Variants in KIF13A observed in about 807,000 individuals in gnomAD.
The protein encoded by KIF13A is kinesin-like protein KIF13A.
A neutral mutation model predicts 212.2 loss-of-function variants in KIF13A; 79 were observed. The observed-to-expected ratio is 0.37, with a 90% CI of 0.31 to 0.45. The LOEUF (loss-of-function observed/expected upper bound fraction) is 0.45. KIF13A is among the 20% of genes least tolerant of loss of function. The pLI, the probability that KIF13A is intolerant of heterozygous loss-of-function variation, is 1.00. For synonymous variants in KIF13A, 789 were observed against 808.6 expected (o/e 0.98, Z 0.41); for missense variants, 1,901 against 2,209.0 (o/e 0.86, Z 2.79).
intron 2 of KIF13A, among the ~76,000 whole-genome samples, chr6:17,955,962 G>T (rs1259931020): frequency 6.6e-6 from 1 of 152,130 alleles, no homozygotes; most frequent in Non-Finnish European, 1.5e-5. Flanking sequence ...AGGTTTTCCT[G>T]AAAAGACTGC....
In KIF13A at chr6:17,817,116, A is replaced by G. The variant is rs1581403413; in HGVS notation, c.1904T>C (p.Leu635Pro). 1 of 1,613,876 alleles carries G rather than the reference A, an allele frequency of 6.2e-7. No individual in the cohort carries two copies. The highest frequency in any genetic ancestry group is 8.5e-7 in the Non-Finnish European group (1 of 1,179,892). ...ERELEQLRQQ[L>P]SPDRQPQSSG... ...ACTCTGTGGCTGCCTGTCGGGGGAG[A>G]GCTGCTGGCGGAGTTGCTCCAGTTC... The change falls in exon 17 of 39, where the codon CTC (leucine) becomes CCC (proline). Residue 635 changes from leucine (L) to proline (P), a missense_variant. By Grantham distance (98) the Leu-to-Pro change is moderately conservative. Transcript: ENST00000259711.
chr6:17,959,849 C>A (rs150815423), intron 2 of KIF13A, among the ~76,000 whole-genome samples: 1 of 152,166 alleles, frequency 6.6e-6, no homozygotes, highest in Non-Finnish European at 1.5e-5. Flanking sequence ...CATGGAGAAA[C>A]CTCGTCTTTC....
In KIF13A at chr6:17,834,128, A is replaced by C. The variant is rs1765714802; in HGVS notation, c.1156-57T>G. Reference sequence around the variant, plus strand: ...CAAAATTTTTCCACCATCATATACAAGACAATCAGTTACTGTCCCTCTTAA... The same window carrying C: ...CAAAATTTTTCCACCATCATATACACGACAATCAGTTACTGTCCCTCTTAA... On this transcript the variant is annotated intron_variant, in intron 11 of 38. Transcript: ENST00000259711. This position sits in a 1 kb window ranked among gnomAD's most constrained non-coding sequence, Gnocchi z 4.0. The C allele has an allele frequency of 9.6e-7, 1 of 1,037,166 alleles. No homozygotes were observed. Among genetic ancestry groups the C allele is most frequent in the African/African-American group, 1.6e-5 (1 of 61,788 alleles). 64.2% of individuals were successfully genotyped at this position (1,037,166 alleles called of 1,614,324 possible). A position where few individuals can be genotyped will look rare whatever the true frequency, so the allele number is the denominator to read the frequency against.
At chr6:17,940,838 T>A (rs1483979682) in intron 2 of KIF13A, among the ~76,000 whole-genome samples, 3 of 151,492 alleles carry the variant, frequency 2.0e-5, no homozygotes, top group Non-Finnish European at 2.9e-5. Context: ...TTTTTTTTTT[T>A]TTTTTGAGAC....
chr6:17,802,769 G>T (rs1038690497), intron 20 of KIF13A, among the ~76,000 whole-genome samples: 9 of 151,860 alleles, frequency 5.9e-5, no homozygotes, highest in Non-Finnish European at 8.8e-5. Flanking sequence ...TTGAGACAGG[G>T]TCTTGCTCTG....
At chr6:17,884,625 C>T (rs771100931) in intron 3 of KIF13A, among the ~76,000 whole-genome samples, 2 of 152,232 alleles carry the variant, frequency 1.3e-5, no homozygotes, top group Non-Finnish European at 2.9e-5. Context: ...AAACACACTA[C>T]TTCCTAGCGC....
chr6:17,909,577 T>C (rs1007837407), intron 2 of KIF13A, among the ~76,000 whole-genome samples: 4 of 145,114 alleles, frequency 2.8e-5, no homozygotes, highest in Non-Finnish European at 6.0e-5. Context: ...AAAGAAAATA[T>C]GTATGATAGA....
chr6:17,924,537 A>G (rs1355553278), intron 2 of KIF13A, among the ~76,000 whole-genome samples: 1 of 152,226 alleles, frequency 6.6e-6, no homozygotes, highest in African/African-American at 2.4e-5. Flanking sequence ...TAGGACTCGC[A>G]GGAAAAATGA....
chr6:17,842,972 A>G (rs1433913065), intron 9 of KIF13A, among the ~76,000 whole-genome samples: 1 of 151,942 alleles, frequency 6.6e-6, no homozygotes, highest in Admixed American at 6.6e-5. Flanking sequence ...TCTGTATTGC[A>G]TAGGATGGAT....
intron 3 of KIF13A, among the ~76,000 whole-genome samples, chr6:17,874,473 T>C (rs866145125): frequency 6.6e-6 from 1 of 152,148 alleles, no homozygotes; most frequent in Non-Finnish European, 1.5e-5. Context: ...TCTCGCTTTG[T>C]TGCCCAGGCT....
At chr6:17,846,598 T>G (rs1421633664) in intron 9 of KIF13A, among the ~76,000 whole-genome samples, 1 of 67,154 alleles carries the variant, frequency 1.5e-5, no homozygotes, top group Non-Finnish European at 2.8e-5. Context: ...CGAGACCCCA[T>G]TTCTTTAAAA....
intron 13 of KIF13A, 143 bp downstream of exon 13, chr6:17,830,958 G>C (rs1239463839): frequency 8.8e-6 from 6 of 682,452 alleles, no homozygotes; most frequent in Non-Finnish European, 1.5e-5. Flanking sequence ...TCTCAGTGGT[G>C]ATCGGAGGGC....
Position 17,781,300 on chromosome 6 carries a change from C to A in KIF13A, c.3546G>T (p.Ala1182=), listed in dbSNP as rs370000382. Residue 1182 remains alanine, a splice_region_variant and synonymous_variant, in exon 30 of 39, where the codon GCG becomes GCT. Coordinates refer to ENST00000259711, the MANE Select transcript of KIF13A (RefSeq NM_022113.6). ...HIPVLFLDLN[A]DDLSANEQLV... is the part of the protein sequence containing the mutation. Reference sequence around the variant, plus strand: ...GCTGCTCATTGGCACTGAGGTCATCCGCTAACCACATCAGGAGCACAGAAA... The same window carrying A: ...GCTGCTCATTGGCACTGAGGTCATCAGCTAACCACATCAGGAGCACAGAAA... 6 of 1,593,644 alleles carry A rather than the reference C, an allele frequency of 3.8e-6. No individual in the cohort carries two copies. The highest frequency in any genetic ancestry group is 1.1e-5 in the South Asian group (1 of 87,616).
At chr6:17,932,664 C>T (rs921056684) in intron 2 of KIF13A, among the ~76,000 whole-genome samples, 1 of 152,244 alleles carries the variant, frequency 6.6e-6, no homozygotes, top group East Asian at 1.9e-4. Context: ...GCCTTCTCCC[C>T]ACCCCACCAC....
At chr6:17,852,860 G>A (rs767029527) in intron 6 of KIF13A, among the ~76,000 whole-genome samples, 4 of 152,222 alleles carry the variant, frequency 2.6e-5, no homozygotes, top group African/African-American at 4.8e-5. Context: ...AATTACTGAC[G>A]TTTGTACTAT....
intron 2 of KIF13A, among the ~76,000 whole-genome samples, chr6:17,954,686 T>TTA (rs1445802391): frequency 6.6e-6 from 1 of 152,190 alleles, no homozygotes; most frequent in Admixed American, 6.5e-5. Context: ...TTTATATTGT[T>TTA]GTTAGAGACA....
chr6:17,929,218 C>CAG (rs146591383), intron 2 of KIF13A, among the ~76,000 whole-genome samples: 5 of 151,376 alleles, frequency 3.3e-5, no homozygotes, highest in African/African-American at 7.3e-5. Context: ...GTGAGAGAGA[C>CAG]AGAGAGAGAG....
At chr6:17,798,081 TG>T (rs1166163270) in intron 22 of KIF13A, among the ~76,000 whole-genome samples, 2 of 152,192 alleles carry the variant, frequency 1.3e-5, no homozygotes, top group Non-Finnish European at 2.9e-5. Context: ...CAGAAACAGT[TG>T]TGCTATATTT....
In KIF13A at chr6:17,926,441, C is replaced by T; in HGVS notation, c.147-28261G>A. 6.6e-6 allele frequency among the ~76,000 whole-genome samples: 1 copy of T among 152,138 alleles called. No individual in the cohort carries two copies. The highest frequency in any genetic ancestry group is 1.9e-4 in the East Asian group (1 of 5,176). On this transcript the variant is annotated intron_variant, in intron 2 of 38. Coordinates refer to ENST00000259711, the MANE Select transcript of KIF13A (RefSeq NM_022113.6). This position sits in a 1 kb window ranked among gnomAD's most constrained non-coding sequence, Gnocchi z 4.3. ...AGAGATGGTGTTTTGCCATGTTGGCCAGGCTGGTCTTGAACTCCAGCCTCA... is the reference window on the plus strand; with the variant it reads ...AGAGATGGTGTTTTGCCATGTTGGCTAGGCTGGTCTTGAACTCCAGCCTCA...
Sources: gnomAD v4.1 joint callset for allele counts (sites outside exome capture counted in the v4.1 genomes callset) on GRCh38, gnomAD v4.1.1 for gene constraint, Gnocchi (gnomAD v3.1) non-coding constraint, MANE v1.5 for transcripts, NCBI Gene and HGNC (gene_info 2026-07-23, HGNC 2026-07-21) for gene names.